Variants in SLC25A48 observed in about 807,000 individuals in gnomAD.
SLC25A48 encodes CTC-321K16.1.
SLC25A48 carries 29 observed loss-of-function variants against 32.2 expected under a neutral mutation model. The observed-to-expected ratio is 0.90, with a 90% CI of 0.67 to 1.23. The LOEUF is 1.23. SLC25A48 is among the 50% of genes most tolerant of loss of function. SLC25A48 has a pLI of 0.00. For synonymous variants in SLC25A48, 164 were observed against 172.3 expected (o/e 0.95, Z 0.38); for missense variants, 399 against 422.7 (o/e 0.94, Z 0.49).
intron 3 of SLC25A48, among the ~76,000 whole-genome samples, chr5:135,679,625 T>A (rs1280118699): frequency 6.6e-6 from 1 of 152,202 alleles, no homozygotes; most frequent in Non-Finnish European, 1.5e-5. Context: ...CACAGTGACT[T>A]TGCTGCTGGG....
intron 3 of SLC25A48, among the ~76,000 whole-genome samples, chr5:135,635,877 T>A (rs1752690916): frequency 6.6e-6 from 1 of 152,204 alleles, no homozygotes; most frequent in African/African-American, 2.4e-5. Flanking sequence ...TCGTTCCTTC[T>A]GTCTGACGTC....
chr5:135,800,068 AC>A (rs1757283984), intron 3 of SLC25A48, among the ~76,000 whole-genome samples: 1 of 151,308 alleles, frequency 6.6e-6, no homozygotes, highest in Admixed American at 6.6e-5. Context: ...GGAACTGTAC[AC>A]CCCCCTGGTG....
intron 1 of SLC25A48, among the ~76,000 whole-genome samples, chr5:135,582,912 G>A (rs1463950077): frequency 2.6e-5 from 4 of 152,224 alleles, no homozygotes; most frequent in South Asian, 2.1e-4. Flanking sequence ...TGTTGCCACC[G>A]ATTTTAGTTT....
At chr5:135,595,800 C>T (rs1277194537) in intron 1 of SLC25A48, among the ~76,000 whole-genome samples, 2 of 152,222 alleles carry the variant, frequency 1.3e-5, no homozygotes, top group African/African-American at 4.8e-5. Context: ...CAGTGACTGG[C>T]ACATAGTACA....
chr5:135,737,861 C>A (rs1755412239), intron 3 of SLC25A48, among the ~76,000 whole-genome samples: 1 of 152,174 alleles, frequency 6.6e-6, no homozygotes, highest in African/African-American at 2.4e-5. Context: ...TCATCAGCAC[C>A]CAGTGGTGTC....
rs984898123 is a variant in SLC25A48 at position 135,629,560 on chromosome 5, G to A, written c.-709+184G>A. Among the ~76,000 whole-genome samples the A allele has an allele frequency of 2.0e-5, 3 of 152,196 alleles. No homozygotes were observed. The highest frequency in any genetic ancestry group is 2.9e-5 in the Non-Finnish European group (2 of 68,030). ...AGACCCTGGGAGGTGGGGGTGGAAT[G>A]TGGAGTGAGGAAGTAAGAGATGGAA... On this transcript the variant is annotated intron_variant, in intron 2 of 10. Coordinates refer to the SLC25A48 transcript ENST00000646290. This position sits in a 1 kb window ranked among gnomAD's most constrained non-coding sequence, Gnocchi z 4.8.
At chr5:135,802,666 G>T (rs1757364766) in intron 3 of SLC25A48, among the ~76,000 whole-genome samples, 1 of 151,434 alleles carries the variant, frequency 6.6e-6, no homozygotes, top group Non-Finnish European at 1.5e-5. Flanking sequence ...TAATATCCTA[G>T]AGAGATACTA....
At chr5:135,750,893 ACTCT>A (rs76532210) in intron 3 of SLC25A48, among the ~76,000 whole-genome samples, 356 of 151,602 alleles carry the variant, frequency 2.3e-3, no homozygotes, top group African/African-American at 7.3e-3. Context: ...TGCCTGTTTC[ACTCT>A]CTCTCTGGCT....
At chr5:135,612,522 T>A (rs996218084) in intron 1 of SLC25A48, among the ~76,000 whole-genome samples, 1 of 152,130 alleles carries the variant, frequency 6.6e-6, no homozygotes, top group African/African-American at 2.4e-5. Flanking sequence ...TCTTTTCATC[T>A]CTCCACCCCT....
intron 3 of SLC25A48, among the ~76,000 whole-genome samples, chr5:135,700,228 C>T (rs1263601271): frequency 1.3e-5 from 2 of 151,528 alleles, no homozygotes; most frequent in South Asian, 2.1e-4. Flanking sequence ...AAAAATCAGC[C>T]GGGTCTGGTG....
chr5:135,733,419 C>CT (rs1755280007), intron 3 of SLC25A48, among the ~76,000 whole-genome samples: 2 of 152,204 alleles, frequency 1.3e-5, no homozygotes, highest in South Asian at 4.2e-4. Context: ...AAGTCCGGGC[C>CT]TGGAACAATG....
intron 3 of SLC25A48, 93 bp from the exon 4 acceptor site, chr5:135,852,470 G>C (rs1759950787): frequency 6.9e-7 from 1 of 1,443,876 alleles, no homozygotes; most frequent in South Asian, 1.3e-5. Context: ...GGACACATGG[G>C]CAGATGTGTC....
intron 1 of SLC25A48, among the ~76,000 whole-genome samples, chr5:135,621,918 A>T (rs1467078381): frequency 6.6e-6 from 1 of 152,220 alleles, no homozygotes; most frequent in East Asian, 1.9e-4. Flanking sequence ...ACCACCTTAA[A>T]GCCAGAAGAC....
intron 4 of SLC25A48, among the ~76,000 whole-genome samples, chr5:135,819,705 G>C (rs1373227176): frequency 6.6e-6 from 1 of 152,086 alleles, no homozygotes; most frequent in African/African-American, 2.4e-5. Context: ...TGTGAAAATT[G>C]ATCAAATTGT....
chr5:135,835,349 G>T (rs770268447), intron 1 of SLC25A48, among the ~76,000 whole-genome samples: 1 of 148,246 alleles, frequency 6.7e-6, no homozygotes, highest in African/African-American at 2.4e-5. Context: ...CCAACGGGGC[G>T]TCCCGACTGG....
chr5:135,849,184 A>G (rs993967618), intron 2 of SLC25A48, among the ~76,000 whole-genome samples: 14 of 152,208 alleles, frequency 9.2e-5, no homozygotes, highest in African/African-American at 3.4e-4. Flanking sequence ...GTACTCTTCC[A>G]GGGCCTCCTC....
chr5:135,638,933 T>G (rs1450664239), intron 3 of SLC25A48, among the ~76,000 whole-genome samples: 1 of 152,228 alleles, frequency 6.6e-6, no homozygotes, highest in African/African-American at 2.4e-5. Flanking sequence ...AAACACAATC[T>G]TAAATATAAA....
chr5:135,787,136 G>T (rs922677103), intron 3 of SLC25A48, among the ~76,000 whole-genome samples: 1 of 151,120 alleles, frequency 6.6e-6, no homozygotes, highest in African/African-American at 2.4e-5. Context: ...GTACACCATG[G>T]GTGTGCACCC....
chr5:135,585,035 G>A (rs534164765), intron 1 of SLC25A48, among the ~76,000 whole-genome samples: 2 of 152,234 alleles, frequency 1.3e-5, no homozygotes, highest in Non-Finnish European at 2.9e-5. Flanking sequence ...CTGAGCAGAC[G>A]CTGGCGATGG....
Sources: gnomAD v4.1 joint callset for allele counts (sites outside exome capture counted in the v4.1 genomes callset) on GRCh38, gnomAD v4.1.1 for gene constraint, Gnocchi (gnomAD v3.1) non-coding constraint, MANE v1.5 for transcripts, NCBI Gene and HGNC (gene_info 2026-07-23, HGNC 2026-07-21) for gene names.